The following NT5M variants were observed in gnomAD, a reference collection of about 807,000 sequenced individuals.
The protein encoded by NT5M is 5',3'-nucleotidase, mitochondrial.
In NT5M, 22 loss-of-function variants were observed where a neutral mutation model predicts 22.2. The ratio of observed to expected loss-of-function variants is 0.99; its 90% CI spans 0.71 to 1.41. NT5M has a LOEUF of 1.41. Among genes scored for constraint, NT5M ranks in the 40% most tolerant of loss-of-function variants. The probability of loss-of-function intolerance (pLI) is 0.00; values close to 1 mark genes in which losing one functional copy is unlikely to be tolerated. For missense variants in NT5M, 322 were observed against 314.8 expected (o/e 1.02, Z -0.17); for synonymous variants, 167 against 133.0 (o/e 1.26, Z -1.76).
chr17:17,319,380 AAAACCCTGTAAAT>A (rs2049104155), intron 2 of NT5M, among the ~76,000 whole-genome samples: 1 of 152,160 alleles, frequency 6.6e-6, no homozygotes, highest in Non-Finnish European at 1.5e-5. Flanking sequence ...TGATGGCTGT[AAAACCCTGTAAAT>A]ATACTAACAT....
At chr17:17,310,602 G>A (rs547310257) in intron 2 of NT5M, among the ~76,000 whole-genome samples, 21 of 152,242 alleles carry the variant, frequency 1.4e-4, no homozygotes, top group African/African-American at 2.2e-4. Flanking sequence ...TTGGCAGGCC[G>A]AGGCAGGCAG....
chr17:17,339,277 G>T (rs1197521978), intron 3 of NT5M, among the ~76,000 whole-genome samples: 1 of 151,006 alleles, frequency 6.6e-6, no homozygotes, highest in Non-Finnish European at 1.5e-5. Flanking sequence ...TTTTTTTTCA[G>T]ATTGTTCCTG....
intron 3 of NT5M, among the ~76,000 whole-genome samples, chr17:17,341,979 C>T (rs576297731): frequency 3.5e-4 from 53 of 151,544 alleles, no homozygotes; most frequent in Admixed American, 1.1e-3. Flanking sequence ...TGCAGTGAGC[C>T]GAGATCGTGC....
intron 3 of NT5M, among the ~76,000 whole-genome samples, chr17:17,344,430 GAGGTGGCAGTGGCCCAGC>G (rs2049713664): frequency 6.6e-6 from 1 of 152,184 alleles, no homozygotes; most frequent in African/African-American, 2.4e-5. Flanking sequence ...TGTGGGGCAG[GAGGTGGCAGTGGCCCAGC>G]AGGTGGCAGG....
In NT5M at chr17:17,303,723, G is replaced by A. The variant is rs1293682891; in HGVS notation, c.173G>A (p.Arg58His). The A allele has an allele frequency of 3.8e-6, 6 of 1,591,534 alleles. No homozygotes were observed. Among genetic ancestry groups the A allele is most frequent in the Non-Finnish European group, 5.1e-6 (6 of 1,171,398 alleles). Residue 58 changes from arginine to histidine, a missense_variant, in exon 1 of 5, where the codon CGC becomes CAC. Physicochemically the swap from Arg to His is conservative, Grantham distance 29. Transcript: ENST00000389022. ...GAGGGCGGATTCCTCAGGAAGTTCCGCGCGCGCTTTCCCGACCAGCCCTTC... is the reference window on the plus strand; with the variant it reads ...GAGGGCGGATTCCTCAGGAAGTTCCACGCGCGCTTTCCCGACCAGCCCTTC... ...DFEGGFLRKF[R>H]ARFPDQPFIA...
intron 2 of NT5M, among the ~76,000 whole-genome samples, chr17:17,312,178 G>A (rs190658467): frequency 2.3e-4 from 35 of 152,328 alleles, no homozygotes; most frequent in Non-Finnish European, 3.5e-4. Context: ...TGCTGTTGCC[G>A]CTCTGTAAGA....
chr17:17,328,977 A>AT (rs2049319103), intron 3 of NT5M, among the ~76,000 whole-genome samples: 1 of 151,920 alleles, frequency 6.6e-6, no homozygotes, highest in South Asian at 2.1e-4. Context: ...AGGTATTTCT[A>AT]TTTTTTATTT....
At chr17:17,322,671 C>G (rs1322252910) in intron 2 of NT5M, among the ~76,000 whole-genome samples, 5 of 136,514 alleles carry the variant, frequency 3.7e-5, no homozygotes, top group Admixed American at 3.0e-4. Context: ...TTAGTGAGGG[C>G]TGGGGCCCTG....
intron 2 of NT5M, among the ~76,000 whole-genome samples, chr17:17,314,511 C>A (rs746303024): frequency 6.6e-6 from 1 of 152,122 alleles, no homozygotes; most frequent in Non-Finnish European, 1.5e-5. Context: ...TATAGATTTA[C>A]AAATTGATAT....
intron 3 of NT5M, among the ~76,000 whole-genome samples, chr17:17,326,083 C>G (rs2049260628): frequency 3.3e-5 from 5 of 152,324 alleles, no homozygotes; most frequent in African/African-American, 1.2e-4. Flanking sequence ...TGAGTAGATT[C>G]ATTTGTCCAA....
chr17:17,326,603 C>T (rs1192213047), intron 3 of NT5M, among the ~76,000 whole-genome samples: 1 of 152,220 alleles, frequency 6.6e-6, no homozygotes, highest in Non-Finnish European at 1.5e-5. Flanking sequence ...CGCTGAAGCG[C>T]CCTTTCTCCA....
intron 2 of NT5M, among the ~76,000 whole-genome samples, chr17:17,309,127 CTT>C (rs35861887): frequency 2.4e-4 from 34 of 140,348 alleles, no homozygotes; most frequent in Admixed American, 2.9e-4. Context: ...TTCTTTCTTT[CTT>C]TTTTTTTTTT....
At chr17:17,335,368 C>T (rs1487881949) in intron 3 of NT5M, among the ~76,000 whole-genome samples, 6 of 151,204 alleles carry the variant, frequency 4.0e-5, no homozygotes, top group African/African-American at 1.5e-4. Context: ...TGCCATTCTC[C>T]TGCCTCCACC....
chr17:17,321,485 G>C (rs9914692), intron 2 of NT5M, among the ~76,000 whole-genome samples: 68,537 of 151,280 alleles, frequency 0.45, 16,844 homozygotes, highest in East Asian at 0.78. Context: ...CCAGATCCAT[G>C]ATGAGGTGGG....
intron 3 of NT5M, among the ~76,000 whole-genome samples, chr17:17,335,134 A>G (rs1208887281): frequency 6.6e-6 from 1 of 151,574 alleles, no homozygotes; most frequent in African/African-American, 2.4e-5. Context: ...TTATAAATAT[A>G]TTTTTAAATA....
chr17:17,309,256 G>A (rs565849636), intron 2 of NT5M, among the ~76,000 whole-genome samples: 23 of 151,572 alleles, frequency 1.5e-4, no homozygotes, highest in Non-Finnish European at 2.9e-4. Flanking sequence ...CTCTAGAGTC[G>A]CTGTGACCAC....
intron 2 of NT5M, among the ~76,000 whole-genome samples, chr17:17,315,481 G>A (rs1314028917): frequency 3.3e-5 from 5 of 152,206 alleles, no homozygotes; most frequent in Non-Finnish European, 7.3e-5. Context: ...GCTGCTTTGG[G>A]TAGAATGGGA....
chr17:17,335,375 C>T (rs954304453), intron 3 of NT5M, among the ~76,000 whole-genome samples: 8 of 151,518 alleles, frequency 5.3e-5, no homozygotes, highest in African/African-American at 1.5e-4. Flanking sequence ...CTCCTGCCTC[C>T]ACCTCCCAAG....
At chr17:17,305,394 GCCCCC>G (rs34579357) in intron 1 of NT5M, among the ~76,000 whole-genome samples, 10 of 74,102 alleles carry the variant, frequency 1.3e-4, no homozygotes, top group African/African-American at 4.5e-4. Flanking sequence ...TAAAACAACC[GCCCCC>G]CCCCCCCCGC....
Sources: allele counts gnomAD v4.1 joint callset (sites outside exome capture counted in the v4.1 genomes callset), GRCh38; gene constraint gnomAD v4.1.1; transcripts MANE v1.5; gene names NCBI Gene and HGNC (gene_info 2026-07-23, HGNC 2026-07-21).